RANBP2: variants seen among roughly 807,000 people sequenced by gnomAD.
The protein encoded by RANBP2 is E3 SUMO-protein ligase RanBP2.
RANBP2 carries 57 observed loss-of-function variants against 303.6 expected under a neutral mutation model. The ratio of observed to expected loss-of-function variants is 0.19; its 90% CI spans 0.15 to 0.23. The LOEUF is 0.23. Ranked by LOEUF, RANBP2 falls within the 10% of genes least tolerant of loss-of-function variation. RANBP2 has a pLI of 1.00. For missense variants in RANBP2, 3,138 were observed against 3,780.8 expected, an observed-to-expected ratio of 0.83 and a Z score of 4.46; for synonymous variants, 1,167 against 1,301.5, an observed-to-expected ratio of 0.90 and a Z score of 2.23.
the RANBP2 span, among the ~76,000 whole-genome samples, chr2:109,534,769 C>CA: frequency 0.021 from 2,707 of 125,918 alleles, 62 homozygotes; most frequent in African/African-American, 0.066. Flanking sequence ...AACTCAGTCT[C>CA]AAAAAAAAAA....
chr2:109,352,040 A>G, the RANBP2 span, among the ~76,000 whole-genome samples: 1 of 152,256 alleles, frequency 6.6e-6, no homozygotes, highest in Admixed American at 6.5e-5. Context: ...ACACAGATTC[A>G]AATCATGGCA....
At chr2:109,761,366 T>A in the RANBP2 span, among the ~76,000 whole-genome samples, 3 of 150,938 alleles carry the variant, frequency 2.0e-5, no homozygotes, top group African/African-American at 7.3e-5. Flanking sequence ...CCAGGGAGAC[T>A]CCTTTCCTCG....
the RANBP2 span, among the ~76,000 whole-genome samples, chr2:109,311,911 C>G: frequency 3.9e-5 from 6 of 151,968 alleles, no homozygotes; most frequent in Non-Finnish European, 7.4e-5. Flanking sequence ...TCTTCCATGC[C>G]CTGCCAGTGG....
the RANBP2 span, among the ~76,000 whole-genome samples, chr2:109,412,154 C>T: frequency 6.6e-6 from 1 of 152,382 alleles, no homozygotes; most frequent in African/African-American, 2.4e-5. Flanking sequence ...CCTTCGGCCG[C>T]CGTGGTCCAC....
the RANBP2 span, among the ~76,000 whole-genome samples, chr2:109,325,331 CTTTTTTTTTTTT>C: frequency 8.1e-4 from 54 of 66,274 alleles, no homozygotes; most frequent in Admixed American, 2.4e-3. Flanking sequence ...TTCTTTCTTT[CTTTTTTTTTTTT>C]TTTTTTTTTT....
At chr2:109,534,605 C>A in the RANBP2 span, among the ~76,000 whole-genome samples, 1 of 152,044 alleles carries the variant, frequency 6.6e-6, no homozygotes, top group Non-Finnish European at 1.5e-5. Context: ...CACAGAGAAA[C>A]CCCGTCTCTA....
the RANBP2 span, among the ~76,000 whole-genome samples, chr2:109,575,343 T>C: frequency 6.6e-6 from 1 of 152,226 alleles, no homozygotes; most frequent in African/African-American, 2.4e-5. Context: ...TCTTTGCCTC[T>C]TAGATTTATA....
At chr2:108,910,713 G>A in the RANBP2 span, 6 of 1,581,812 alleles carry the variant, frequency 3.8e-6, no homozygotes, top group Non-Finnish European at 5.2e-6. Flanking sequence ...CTGCTTCTGG[G>A]AACGCCCTCC....
chr2:109,161,034 A>C, the RANBP2 span, among the ~76,000 whole-genome samples: 2 of 152,128 alleles, frequency 1.3e-5, no homozygotes, highest in Non-Finnish European at 2.9e-5. Context: ...GAAGGCTGTG[A>C]GAGATGGAGA....
At chr2:109,524,214 T>C in the RANBP2 span, among the ~76,000 whole-genome samples, 6 of 151,906 alleles carry the variant, frequency 3.9e-5, no homozygotes, top group African/African-American at 1.4e-4. Context: ...ACACAGCTTG[T>C]CCAAAGGCTC....
chr2:109,495,477 CTTTTTTTTTTTTTTTT>C, the RANBP2 span, among the ~76,000 whole-genome samples: 17 of 94,286 alleles, frequency 1.8e-4, no homozygotes, highest in South Asian at 2.2e-3. Flanking sequence ...TCTTTCATTC[CTTTTTTTTTTTTTTTT>C]TTTTTTTTTT....
the RANBP2 span, among the ~76,000 whole-genome samples, chr2:109,534,161 A>T: frequency 6.6e-6 from 1 of 152,284 alleles, no homozygotes; most frequent in Non-Finnish European, 1.5e-5. Flanking sequence ...CCAGTGTGTA[A>T]GACTGTCAGA....
chr2:108,748,860 C>T lies in RANBP2; in HGVS notation c.1064-60C>T, dbSNP rs184221435. ...CCCTTTGGGTATACAAATGAGACAA[C>T]GTGAGCAAATACAATCTGTAATTTT... On this transcript the variant is annotated intron_variant, in intron 8 of 28. Coordinates refer to ENST00000283195, the MANE Select transcript of RANBP2 (RefSeq NM_006267.5). 1.2e-5 allele frequency: 19 copies of T among 1,611,530 alleles called. No homozygotes were observed. In the East Asian group the frequency reaches 3.1e-4, roughly 26 times the overall value.
intron 23 of RANBP2, among the ~76,000 whole-genome samples, 158 bp downstream of exon 23, chr2:108,773,204 A>G (rs375858622): frequency 2.6e-5 from 4 of 152,112 alleles, no homozygotes; most frequent in African/African-American, 9.6e-5. Flanking sequence ...TGCAGCCTTC[A>G]TCTCCCAGGT....
chr2:108,896,898 G>C, the RANBP2 span: 1 of 1,608,552 alleles, frequency 6.2e-7, no homozygotes, highest in South Asian at 1.1e-5. Flanking sequence ...CAGCCCACAG[G>C]CATGCTTTTC....
chr2:108,910,593 C>T, the RANBP2 span: 333 of 1,468,826 alleles, frequency 2.3e-4, no homozygotes, highest in Non-Finnish European at 3.0e-4. Context: ...GCTCTGCGCT[C>T]AGCCCAACCC....
the RANBP2 span, among the ~76,000 whole-genome samples, chr2:108,887,029 C>T: frequency 6.6e-6 from 1 of 152,188 alleles, no homozygotes; most frequent in Non-Finnish European, 1.5e-5. Flanking sequence ...ATGTGTAAAT[C>T]TCTAATCTAT....
the RANBP2 span, among the ~76,000 whole-genome samples, chr2:109,458,547 C>G: frequency 0.015 from 1,388 of 95,656 alleles, 100 homozygotes; most frequent in Admixed American, 0.13. Context: ...TCAGGGATCT[C>G]CAGAGAAACA....
At chr2:109,545,193 G>A in the RANBP2 span, 1 of 985,316 alleles carries the variant, frequency 1.0e-6, no homozygotes, top group Non-Finnish European at 1.2e-6. Context: ...AGTAAACTGA[G>A]GCAGAGTCCC....
Sources: gnomAD v4.1 joint callset for allele counts (sites outside exome capture counted in the v4.1 genomes callset) on GRCh38, gnomAD v4.1.1 for gene constraint, MANE v1.5 for transcripts, NCBI Gene and HGNC (gene_info 2026-07-23, HGNC 2026-07-21) for gene names.